CDH4: variants seen among roughly 807,000 people sequenced by gnomAD.
The protein encoded by CDH4 is cadherin-4.
In CDH4, 33 loss-of-function variants were observed where a neutral mutation model predicts 86.0. That is an observed-to-expected ratio of 0.38 (90% confidence interval 0.29 to 0.51). The LOEUF (loss-of-function observed/expected upper bound fraction) is 0.51. CDH4 is among the 20% of genes least tolerant of loss of function. The probability of loss-of-function intolerance (pLI) is 0.86; values close to 1 mark genes in which losing one functional copy is unlikely to be tolerated. For missense variants in CDH4, 1,114 were observed against 1,307.4 expected (o/e 0.85, Z 2.28); for synonymous variants, 555 against 549.4 (o/e 1.01, Z -0.14).
At chr20:61,299,401 A>G (rs2123201164) in intron 2 of CDH4, among the ~76,000 whole-genome samples, 1 of 152,300 alleles carries the variant, frequency 6.6e-6, no homozygotes. Context: ...ATCCATTTCC[A>G]TTGCTTTAAG....
chr20:61,474,593 A>G lies in CDH4; in HGVS notation c.169+219656A>G, dbSNP rs936269988. ...TGCTGTAATATTTTTTAGATTATTA[A>G]GAAGGCTCTACTTAAACAGGTGATT... On this transcript the variant is annotated intron_variant, in intron 2 of 15. Transcript: ENST00000614565. 2.6e-5 allele frequency among the ~76,000 whole-genome samples: 4 copies of G among 152,262 alleles called. No homozygotes were observed. In the South Asian group the frequency reaches 8.3e-4, roughly 32 times the overall value.
At chr20:61,586,315 A>T (rs577551595) in intron 2 of CDH4, among the ~76,000 whole-genome samples, 1 of 152,294 alleles carries the variant, frequency 6.6e-6, no homozygotes, top group East Asian at 1.9e-4. Context: ...TAACAGTGAC[A>T]ACTGCACCTA....
intron 2 of CDH4, among the ~76,000 whole-genome samples, chr20:61,726,496 A>C (rs1420000137): frequency 6.6e-6 from 1 of 152,192 alleles, no homozygotes; most frequent in Non-Finnish European, 1.5e-5. Context: ...GTGGGGACCT[A>C]GTGAGGTGCT....
At chr20:61,833,857 A>G (rs1167301275) in intron 4 of CDH4, among the ~76,000 whole-genome samples, 1 of 152,196 alleles carries the variant, frequency 6.6e-6, no homozygotes. Context: ...AGATGAGGAG[A>G]TAAAACCATT....
At chr20:61,493,128 G>A (rs993357134) in intron 2 of CDH4, among the ~76,000 whole-genome samples, 11 of 152,180 alleles carry the variant, frequency 7.2e-5, no homozygotes, top group African/African-American at 2.4e-4. Flanking sequence ...GAATTTTCCT[G>A]GAAATTGACC....
chr20:61,330,256 T>C (rs950055491), intron 2 of CDH4, among the ~76,000 whole-genome samples: 3 of 152,240 alleles, frequency 2.0e-5, no homozygotes, highest in Non-Finnish European at 2.9e-5. Flanking sequence ...TCTAGATCTT[T>C]GAGGAATCTG....
intron 2 of CDH4, among the ~76,000 whole-genome samples, chr20:61,270,869 G>C: frequency 1.3e-5 from 2 of 152,162 alleles, no homozygotes; most frequent in Non-Finnish European, 2.9e-5. Context: ...ATGTCTTCCT[G>C]TCTTCCTCTG....
At chr20:61,532,497 C>G (rs988903568) in intron 2 of CDH4, among the ~76,000 whole-genome samples, 1 of 152,094 alleles carries the variant, frequency 6.6e-6, no homozygotes, top group Admixed American at 6.5e-5. Context: ...TAAAAAGACC[C>G]GCATCTCACC....
At chr20:61,755,630 CCCACACA>C (rs1568797517) in intron 3 of CDH4, among the ~76,000 whole-genome samples, 1 of 150,772 alleles carries the variant, frequency 6.6e-6, no homozygotes, top group Non-Finnish European at 1.5e-5. Context: ...ACACACATGC[CCCACACA>C]CCACACACAC....
At chr20:61,372,360 G>A (rs931991149) in intron 2 of CDH4, among the ~76,000 whole-genome samples, 3 of 152,218 alleles carry the variant, frequency 2.0e-5, no homozygotes, top group Admixed American at 2.0e-4. Context: ...AGGAAACAGC[G>A]TGCTCACGTG....
intron 2 of CDH4, among the ~76,000 whole-genome samples, chr20:61,584,027 T>C (rs1020176711): frequency 2.0e-5 from 3 of 152,100 alleles, no homozygotes; most frequent in Non-Finnish European, 4.4e-5. Flanking sequence ...GGGTGTGCTG[T>C]TGCATGCCTG....
At chr20:61,299,507 GA>G (rs2084374987) in intron 2 of CDH4, among the ~76,000 whole-genome samples, 1 of 152,230 alleles carries the variant, frequency 6.6e-6, no homozygotes, top group Non-Finnish European at 1.5e-5. Context: ...TATGCTGGAA[GA>G]AAAATGTTGA....
rs181694042 is a variant in CDH4 at position 61,935,755 on chromosome 20, C to T, written c.2545-982C>T. ...TACAAAAATTAGCTGGGCATGGTGGCGGGCACCTGTAATCCCACTACTTGG... is the reference window on the plus strand; with the variant it reads ...TACAAAAATTAGCTGGGCATGGTGGTGGGCACCTGTAATCCCACTACTTGG... On this transcript the variant is annotated intron_variant, in intron 15 of 15. Transcript: ENST00000614565. Among the ~76,000 whole-genome samples the T allele has an allele frequency of 3.3e-5, 5 of 152,226 alleles. No homozygotes were observed. The East Asian group carries it at 7.7e-4, about 23-fold the overall frequency.
At chr20:61,448,907 A>T in intron 2 of CDH4, among the ~76,000 whole-genome samples, 1 of 152,178 alleles carries the variant, frequency 6.6e-6, no homozygotes. Flanking sequence ...AAAATCGAAA[A>T]GCCCTGGCAT....
At chr20:61,910,386 C>T (rs780384689) in intron 8 of CDH4, 36 bp from the exon 9 acceptor site, 3 of 1,594,214 alleles carry the variant, frequency 1.9e-6, no homozygotes, top group African/African-American at 2.7e-5. Context: ...TTACACTTAA[C>T]ACGGGTTTGT....
chr20:61,934,313 C>A, intron 15 of CDH4, 93 bp downstream of exon 15: 2 of 1,357,794 alleles, frequency 1.5e-6, no homozygotes, highest in Non-Finnish European at 2.0e-6. Context: ...TCCACAGTGC[C>A]GGCGGCTGCC....
At chr20:61,675,881 A>G (rs886964238) in intron 2 of CDH4, among the ~76,000 whole-genome samples, 1 of 152,234 alleles carries the variant, frequency 6.6e-6, no homozygotes, top group African/African-American at 2.4e-5. Flanking sequence ...GTTTGAGGCC[A>G]GGGTGCCCCT....
At chr20:61,468,563 T>G (rs2085486071) in intron 2 of CDH4, among the ~76,000 whole-genome samples, 1 of 152,188 alleles carries the variant, frequency 6.6e-6, no homozygotes, top group Non-Finnish European at 1.5e-5. Context: ...AGTTACATTC[T>G]TTTAGTTATT....
At chr20:61,691,868 GTC>G (rs1186680654) in intron 2 of CDH4, among the ~76,000 whole-genome samples, 2 of 150,242 alleles carry the variant, frequency 1.3e-5, no homozygotes, top group Non-Finnish European at 3.0e-5. Context: ...TCGCACACCT[GTC>G]TATGTGTGTA....
Sources: allele counts gnomAD v4.1 joint callset (sites outside exome capture counted in the v4.1 genomes callset), GRCh38; gene constraint gnomAD v4.1.1; transcripts MANE v1.5; gene names NCBI Gene and HGNC (gene_info 2026-07-23, HGNC 2026-07-21).